RYR3: variants seen among roughly 807,000 people sequenced by gnomAD.
RYR3 encodes the protein brain ryanodine receptor-calcium release channel.
RYR3 carries 207 observed loss-of-function variants against 584.3 expected under a neutral mutation model. That is an observed-to-expected ratio of 0.35 (90% confidence interval 0.32 to 0.40). RYR3 has a LOEUF of 0.40. Among genes scored for constraint, RYR3 ranks in the 10% least tolerant of loss-of-function variants. The pLI is 1.00. For missense variants in RYR3, 5,616 were observed against 6,089.2 expected (o/e 0.92, Z 2.59); for synonymous variants, 2,416 against 2,248.5 (o/e 1.07, Z -2.11).
chr15:33,769,566 G>A (rs8028269), intron 62 of RYR3, among the ~76,000 whole-genome samples: 49,658 of 152,000 alleles, frequency 0.33, 8,501 homozygotes, highest in Admixed American at 0.43. Context: ...AAGAATCAGA[G>A]ACAAAGACGT....
At chr15:33,519,105 C>T (rs2053768731) in intron 3 of RYR3, among the ~76,000 whole-genome samples, 1 of 152,176 alleles carries the variant, frequency 6.6e-6, no homozygotes, top group South Asian at 2.1e-4. Context: ...GCAGCATCCA[C>T]ACCAGTGGGG....
At chr15:33,665,330 C>T (rs2063436688) in intron 36 of RYR3, among the ~76,000 whole-genome samples, 1 of 152,212 alleles carries the variant, frequency 6.6e-6, no homozygotes, top group African/African-American at 2.4e-5. Flanking sequence ...CATCTCCCTC[C>T]CAGGGTTCCT....
At chr15:33,470,123 G>C (rs1330813003) in intron 1 of RYR3, among the ~76,000 whole-genome samples, 1 of 152,158 alleles carries the variant, frequency 6.6e-6, no homozygotes, top group Non-Finnish European at 1.5e-5. Flanking sequence ...TGATCTTAAT[G>C]ATAGTATTTC....
At chr15:33,619,632 A>G (rs1259245301) in intron 19 of RYR3, among the ~76,000 whole-genome samples, 1 of 152,232 alleles carries the variant, frequency 6.6e-6, no homozygotes, top group East Asian at 1.9e-4. Flanking sequence ...TTTTGTCAGT[A>G]ATTCGAAAGT....
intron 72 of RYR3, among the ~76,000 whole-genome samples, chr15:33,812,341 A>C (rs1192941285): frequency 1.3e-5 from 2 of 152,206 alleles, no homozygotes; most frequent in Non-Finnish European, 2.9e-5. Flanking sequence ...AAACAAAGAG[A>C]ATAATTCAAC....
chr15:33,585,647 T>C (rs1285210127), intron 15 of RYR3, among the ~76,000 whole-genome samples: 1 of 152,244 alleles, frequency 6.6e-6, no homozygotes, highest in African/African-American at 2.4e-5. Flanking sequence ...TCTTCTCTTG[T>C]ATCTATTTTT....
At chr15:33,516,147 A>G (rs1472053014) in intron 3 of RYR3, among the ~76,000 whole-genome samples, 2 of 152,152 alleles carry the variant, frequency 1.3e-5, no homozygotes, top group South Asian at 4.1e-4. Context: ...TAGTTGCTGT[A>G]TCTTACAAAA....
intron 1 of RYR3, among the ~76,000 whole-genome samples, chr15:33,382,179 A>G (rs2041235103): frequency 7.4e-6 from 1 of 135,324 alleles, no homozygotes; most frequent in Non-Finnish European, 1.6e-5. Flanking sequence ...ATGGGGAAGT[A>G]AAGGAAAATG....
At chr15:33,788,059 A>G (rs561137302) in intron 66 of RYR3, among the ~76,000 whole-genome samples, 159 bp from the exon 67 acceptor site, 2 of 152,186 alleles carry the variant, frequency 1.3e-5, no homozygotes, top group Admixed American at 6.5e-5. Context: ...AGGTGACTCT[A>G]TGAGAGGGAA....
chr15:33,561,113 T>C (rs1030771), intron 10 of RYR3, among the ~76,000 whole-genome samples: 104,533 of 152,252 alleles, frequency 0.69, 36,824 homozygotes, highest in Middle Eastern at 0.8. Context: ...CAGCTCTATA[T>C]ATTCTCTCAA....
intron 7 of RYR3, among the ~76,000 whole-genome samples, chr15:33,541,525 C>T (rs1351363011): frequency 6.6e-6 from 1 of 152,078 alleles, no homozygotes; most frequent in African/African-American, 2.4e-5. Context: ...ATAGGTAATA[C>T]CACAGCTGAG....
intron 64 of RYR3, among the ~76,000 whole-genome samples, chr15:33,774,654 C>T (rs1267536627): frequency 1.3e-5 from 2 of 152,170 alleles, no homozygotes; most frequent in Non-Finnish European, 2.9e-5. Context: ...TAAATAGCTT[C>T]CAGAATACAA....
At chr15:33,724,514 C>G (rs2068198144) in intron 45 of RYR3, among the ~76,000 whole-genome samples, 1 of 152,130 alleles carries the variant, frequency 6.6e-6, no homozygotes, top group African/African-American at 2.4e-5. Context: ...CATCAGGATG[C>G]TCCATGTAGA....
intron 59 of RYR3, 89 bp downstream of exon 59, chr15:33,756,462 T>G: frequency 1.1e-6 from 1 of 935,162 alleles, no homozygotes; most frequent in Admixed American, 2.2e-5. Context: ...TGAAGATATC[T>G]AAAACTCCAA....
At chr15:33,785,463 A>G (rs10519875) in intron 65 of RYR3, among the ~76,000 whole-genome samples, 199 bp from the exon 66 acceptor site, 89,062 of 151,980 alleles carry the variant, frequency 0.59, 27,178 homozygotes, top group East Asian at 0.96. Context: ...CACGACATCT[A>G]GGAAGATAAT....
At chr15:33,835,762 C>G (rs1432263468) in intron 87 of RYR3, among the ~76,000 whole-genome samples, 1 of 152,162 alleles carries the variant, frequency 6.6e-6, no homozygotes, top group Non-Finnish European at 1.5e-5. Context: ...CATTTTTCCC[C>G]TTTTGACTCT....
chr15:33,787,629 T>A (rs2074820496), intron 66 of RYR3, among the ~76,000 whole-genome samples: 1 of 152,202 alleles, frequency 6.6e-6, no homozygotes. Flanking sequence ...AGCCTCTTTT[T>A]GTTCATTTGT....
rs749178775 is a variant in RYR3 at position 33,838,026 on chromosome 15, G to C, written c.12046G>C (p.Asp4016His). The C allele has an allele frequency of 3.1e-6, 5 of 1,613,964 alleles. No individual in the cohort carries two copies. The highest frequency in any genetic ancestry group is 4.2e-6 in the Non-Finnish European group (5 of 1,179,886). ...PNDSRLKCLL[D>H]PAESVLNYFE... Reference sequence around the variant, plus strand: ...CGATTCCCGCCTGAAGTGTCTGTTGGACCCAGCAGAAAGTGTGCTAAATTA... The same window carrying C: ...CGATTCCCGCCTGAAGTGTCTGTTGCACCCAGCAGAAAGTGTGCTAAATTA... Residue 4016 changes from aspartate (D) to histidine (H), a missense_variant, in exon 89 of 104, where the codon GAC (aspartate) becomes CAC (histidine). Physicochemically the swap from Asp to His is moderately conservative, Grantham distance 81 (BLOSUM62 -1). Around this residue, in one of 9 missense-constraint regions of RYR3, gnomAD observed 258 missense variants for 297.3 expected, o/e 0.87. Transcript: ENST00000634891.
At chr15:33,418,717 C>T (rs1407929873) in intron 1 of RYR3, among the ~76,000 whole-genome samples, 1 of 152,114 alleles carries the variant, frequency 6.6e-6, no homozygotes, top group African/African-American at 2.4e-5. Context: ...CAAAGATAGA[C>T]ATCCCAGAAA....
Sources: gnomAD v4.1 joint callset for allele counts (sites outside exome capture counted in the v4.1 genomes callset) on GRCh38, gnomAD v4.1.1 for gene constraint, gnomAD v4.1.1 regional missense constraint, MANE v1.5 for transcripts, NCBI Gene and HGNC (gene_info 2026-07-23, HGNC 2026-07-21) for gene names.